Variants in PASD1 observed in about 807,000 individuals in gnomAD.
PASD1 encodes PAS domain containing repressor 1, also known as circadian clock protein PASD1.
Under a neutral mutation model 58.8 loss-of-function variants are expected in PASD1, and 13 were observed. The observed-to-expected ratio is 0.22, with a 90% CI of 0.14 to 0.35. The LOEUF (loss-of-function observed/expected upper bound fraction) is 0.35, where lower values mean the gene tolerates loss of function less well. Ranked by LOEUF, PASD1 falls within the 10% of genes least tolerant of loss-of-function variation. PASD1 has a pLI of 1.00. For synonymous variants in PASD1, 236 were observed against 216.7 expected (o/e 1.09, Z -0.78); for missense variants, 734 against 568.3 (o/e 1.29, Z -2.96).
intron 1 of PASD1, among the ~76,000 whole-genome samples, chrX:151,577,969 A>G (rs1394071582): frequency 1.8e-5 from 2 of 112,159 alleles, no homozygotes; most frequent in Non-Finnish European, 3.8e-5. Context: ...TCCCTGGACC[A>G]TTCATAAACC....
intron 1 of PASD1, among the ~76,000 whole-genome samples, chrX:151,565,968 TAACTG>T (rs1200799127): frequency 1.8e-5 from 2 of 112,363 alleles, no homozygotes; most frequent in Non-Finnish European, 3.8e-5. Flanking sequence ...CTCCTACTCT[TAACTG>T]AAAGTTGATA....
chrX:151,587,070 C>T (rs1417700348), intron 1 of PASD1, among the ~76,000 whole-genome samples: 2 of 111,761 alleles, frequency 1.8e-5, no homozygotes, highest in Non-Finnish European at 3.8e-5. Context: ...AAATATTCTG[C>T]CGGAATGTTC....
At chrX:151,568,412 A>G (rs2012878906) in intron 1 of PASD1, among the ~76,000 whole-genome samples, 1 of 111,662 alleles carries the variant, frequency 9.0e-6, no homozygotes, top group African/African-American at 3.3e-5. Flanking sequence ...TAAATATACA[A>G]GTTATACCTT....
At chrX:151,641,640 T>C (rs1176033593) in intron 8 of PASD1, among the ~76,000 whole-genome samples, 1 of 111,330 alleles carries the variant, frequency 9.0e-6, no homozygotes, top group Non-Finnish European at 1.9e-5. Flanking sequence ...CCCTAACTCA[T>C]TGTCTCATGA....
intron 8 of PASD1, among the ~76,000 whole-genome samples, chrX:151,644,602 A>G (rs2014036593): frequency 8.9e-6 from 1 of 111,961 alleles, no homozygotes; most frequent in Admixed American, 9.5e-5. Flanking sequence ...TATGCCTCTC[A>G]AATCATATAG....
At chrX:151,670,423 A>G (rs1474479482) in intron 11 of PASD1, among the ~76,000 whole-genome samples, 2 of 111,665 alleles carry the variant, frequency 1.8e-5, no homozygotes. Flanking sequence ...TTGGAGCATC[A>G]TTTGCCCCAT....
At chrX:151,639,479 T>C (rs776272946) in intron 8 of PASD1, among the ~76,000 whole-genome samples, 2 of 112,261 alleles carry the variant, frequency 1.8e-5, no homozygotes, top group East Asian at 2.8e-4. Context: ...AACTACACCA[T>C]TCTGCATACA....
At chrX:151,566,008 T>C (rs1234303151) in intron 1 of PASD1, among the ~76,000 whole-genome samples, 2 of 112,338 alleles carry the variant, frequency 1.8e-5, no homozygotes, top group African/African-American at 6.5e-5. Flanking sequence ...ATTAGGATTA[T>C]GGGGAGAGCA....
chrX:151,653,863 C>CTTT (rs2014190269), intron 9 of PASD1, among the ~76,000 whole-genome samples: 7 of 26,552 alleles, frequency 2.6e-4, no homozygotes, highest in African/African-American at 7.6e-4. Context: ...TCCCTCCCTC[C>CTTT]CTCCCTCTTT....
At chrX:151,666,743 C>T (rs1451821554) in intron 11 of PASD1, among the ~76,000 whole-genome samples, 2 of 101,044 alleles carry the variant, frequency 2.0e-5, no homozygotes, top group African/African-American at 7.4e-5. Context: ...CATAGTATTC[C>T]CTGGTGTATA....
At chrX:151,675,852 G>A (rs1471343393) in intron 15 of PASD1, 145 bp from the exon 16 acceptor site, 41 of 617,659 alleles carry the variant, frequency 6.6e-5, no homozygotes, top group African/African-American at 2.3e-4. Flanking sequence ...TAGCTCCTCC[G>A]TCTCCCATCA....
intron 12 of PASD1, 115 bp from the exon 13 acceptor site, chrX:151,671,458 C>T (rs2014467475): frequency 2.1e-6 from 2 of 932,393 alleles, no homozygotes; most frequent in South Asian, 4.6e-5. Context: ...TATATATAGC[C>T]AAGGCTTCCT....
At chrX:151,634,794 T>A (rs754376845) in intron 8 of PASD1, among the ~76,000 whole-genome samples, 6 of 111,806 alleles carry the variant, frequency 5.4e-5, no homozygotes, top group Non-Finnish European at 1.1e-4. Flanking sequence ...TGAACTTTGA[T>A]CACATGGTTA....
At chrX:151,666,441 T>A (rs2014383034) in intron 11 of PASD1, among the ~76,000 whole-genome samples, 1 of 109,504 alleles carries the variant, frequency 9.1e-6, no homozygotes, top group Admixed American at 9.8e-5. Context: ...CGTGTAGGTT[T>A]GTTTCATACG....
intron 3 of PASD1, among the ~76,000 whole-genome samples, chrX:151,607,184 T>C (rs1157584879): frequency 1.8e-5 from 2 of 112,099 alleles, no homozygotes; most frequent in African/African-American, 6.5e-5. Context: ...GTTGTTTTCT[T>C]TTGCATGATT....
chrX:151,587,287 G>A (rs1324113714), intron 1 of PASD1, among the ~76,000 whole-genome samples: 1 of 103,118 alleles, frequency 9.7e-6, no homozygotes, highest in Non-Finnish European at 2.0e-5. Context: ...TGGGTGAGAG[G>A]AGGTGTTCAG....
intron 11 of PASD1, among the ~76,000 whole-genome samples, chrX:151,669,013 A>T (rs2014426648): frequency 9.3e-6 from 1 of 107,564 alleles, no homozygotes; most frequent in South Asian, 4.1e-4. Flanking sequence ...AGTACCTGGG[A>T]TTACAGATGC....
chrX:151,567,039 C>T (rs189670787), intron 1 of PASD1, among the ~76,000 whole-genome samples: 1,207 of 93,491 alleles, frequency 0.013, 15 homozygotes, highest in African/African-American at 0.044. Context: ...AGTGAAACTC[C>T]GTCTCAAAAT....
chrX:151,676,218 C>A lies in PASD1; in HGVS notation c.*75C>A. 3 of 1,070,579 alleles carry A rather than the reference C, an allele frequency of 2.8e-6. No homozygotes were observed. Among genetic ancestry groups the A allele is most frequent in the African/African-American group, 1.8e-5 (1 of 54,246 alleles). The allele number at this position is 1,070,579 out of a possible 1,213,427, so 88.2% of individuals were successfully genotyped here. ...CAATGAGGTCTGCATGGCCAGGGGA[C>A]CTTCAAGGTGCGTAAAGTCCCTTGG... On this transcript the variant is annotated 3_prime_UTR_variant, in exon 16 of 16. Coordinates refer to ENST00000370357, the MANE Select transcript of PASD1 (RefSeq NM_173493.3).
Sources: gnomAD v4.1 joint callset for allele counts (sites outside exome capture counted in the v4.1 genomes callset) on GRCh38, gnomAD v4.1.1 for gene constraint, MANE v1.5 for transcripts, NCBI Gene and HGNC (gene_info 2026-07-23, HGNC 2026-07-21) for gene names.